The following ATP8B4 variants were observed in gnomAD, a reference collection of about 807,000 sequenced individuals.
ATP8B4 encodes probable phospholipid-transporting ATPase IM.
ATP8B4 carries 133 observed loss-of-function variants against 145.6 expected under a neutral mutation model. The observed-to-expected ratio is 0.91, with a 90% CI of 0.79 to 1.05. ATP8B4 has a LOEUF of 1.05. Ranked by LOEUF, ATP8B4 falls within the 50% of genes least tolerant of loss-of-function variation. ATP8B4 has a pLI of 0.00. For missense variants in ATP8B4, 1,458 were observed against 1,425.2 expected (o/e 1.02, Z -0.37); for synonymous variants, 507 against 492.9 (o/e 1.03, Z -0.38).
chr15:50,122,618 A>C (rs1304539100), upstream of ATP8B4, among the ~76,000 whole-genome samples: 1 of 152,182 alleles, frequency 6.6e-6, no homozygotes, highest in African/African-American at 2.4e-5. Context: ...GTGTCAGCCT[A>C]AACAGCAGAG....
chr15:49,985,974 A>G (rs1471150713), intron 10 of ATP8B4, among the ~76,000 whole-genome samples: 1 of 152,220 alleles, frequency 6.6e-6, no homozygotes, highest in East Asian at 1.9e-4. Context: ...ATAAAAAATA[A>G]TAATAAATCC....
chr15:50,178,955 G>A (rs1355219506), intron 1 of ATP8B4, among the ~76,000 whole-genome samples: 6 of 152,134 alleles, frequency 3.9e-5, no homozygotes, highest in Non-Finnish European at 5.9e-5. Flanking sequence ...AATATAACAC[G>A]GGACTAAGAA....
At chr15:49,917,246 C>T in intron 19 of ATP8B4, 1 of 511,630 alleles carries the variant, frequency 2.0e-6, no homozygotes, top group Non-Finnish European at 3.4e-6. Context: ...ACTTGCTAAA[C>T]CCATGCACAA....
intron 14 of ATP8B4, among the ~76,000 whole-genome samples, chr15:49,936,415 T>C (rs1480383121): frequency 1.3e-5 from 2 of 152,142 alleles, no homozygotes; most frequent in African/African-American, 4.8e-5. Flanking sequence ...GCCTCACACT[T>C]GTCTCATGGT....
chr15:49,860,088 A>G lies in ATP8B4; in HGVS notation c.*106T>C. ...CCGCAGATTTAAGTTAAGTGAGGCAATCTGCCTGCCCCACCTCTTGCCTCA... is the reference window on the plus strand; with the variant it reads ...CCGCAGATTTAAGTTAAGTGAGGCAGTCTGCCTGCCCCACCTCTTGCCTCA... On this transcript the variant is annotated 3_prime_UTR_variant, in exon 28 of 28. Transcript: ENST00000284509. 7.3e-7 allele frequency: 1 copy of G among 1,375,322 alleles called. No individual in the cohort carries two copies. Among genetic ancestry groups the G allele is most frequent in the Non-Finnish European group, 9.9e-7 (1 of 1,013,204 alleles). 85.2% of individuals were successfully genotyped at this position (1,375,322 alleles called of 1,614,324 possible).
At chr15:49,870,606 A>C (rs530445336) in intron 25 of ATP8B4, among the ~76,000 whole-genome samples, 60 of 152,320 alleles carry the variant, frequency 3.9e-4, no homozygotes, top group African/African-American at 1.4e-3. Context: ...TGAGGAAAGG[A>C]TATTAATGCT....
rs560059711 is a variant in ATP8B4, at chr15:50,018,913, C to A, written c.363-7996G>T. 1.5e-5 allele frequency: 19 copies of A among 1,255,158 alleles called. No individual in the cohort carries two copies. The African/African-American group carries it at 3.0e-4, about 20-fold the overall frequency. 77.8% of individuals were successfully genotyped at this position (1,255,158 alleles called of 1,614,324 possible). A position where few individuals can be genotyped will look rare whatever the true frequency, so the allele number is the denominator to read the frequency against. On this transcript the variant is annotated intron_variant, in intron 6 of 27. Coordinates refer to ENST00000284509, the MANE Select transcript of ATP8B4 (RefSeq NM_024837.4). ...CATTTTTCTCAGGACCAGGATAAATCTTCTTCCTTACAATTACCAGAGTAC... is the reference window on the plus strand; with the variant it reads ...CATTTTTCTCAGGACCAGGATAAATATTCTTCCTTACAATTACCAGAGTAC...
intron 3 of ATP8B4, among the ~76,000 whole-genome samples, chr15:50,056,025 C>T (rs1034734420): frequency 5.9e-5 from 9 of 152,136 alleles, no homozygotes; most frequent in Admixed American, 4.6e-4. Context: ...CTTCTACGAA[C>T]GCTGCTGAGG....
chr15:50,029,729 G>A (rs1299879166), intron 6 of ATP8B4, among the ~76,000 whole-genome samples: 1 of 152,152 alleles, frequency 6.6e-6, no homozygotes, highest in Admixed American at 6.6e-5. Context: ...AAAAGAAGAG[G>A]AGGAAGCAAA....
rs1567059944 is a variant in ATP8B4, at chr15:49,950,625, A to AAAC, written c.1287+11349_1287+11351dup. Among the ~76,000 whole-genome samples the AAAC allele has an allele frequency of 1.1e-4, 15 of 138,478 alleles. No individual in the cohort carries two copies. In the East Asian group the frequency reaches 2.5e-3, roughly 23 times the overall value. 90.8% of individuals were successfully genotyped at this position (138,478 alleles called of 152,430 possible). On this transcript the variant is annotated intron_variant, in intron 14 of 27. Coordinates refer to ENST00000284509, the MANE Select transcript of ATP8B4 (RefSeq NM_024837.4). ...AAACAAACAAACAAACAAACAAAAA[A>AAAC]AACAACAACAACAACAAAAAACCAG...
rs185450810 is a variant in ATP8B4, at chr15:50,141,513, C to T, written c.-42-34505G>A. On this transcript the variant is annotated intron_variant, in intron 1 of 3. Transcript: ENST00000558829. ...CATTCATAATACTTATTGAGCGTCT[C>T]TTAAGTAACAGGCATTTCACTCACC... 7.3e-3 allele frequency among the ~76,000 whole-genome samples: 1,114 copies of T among 152,192 alleles called. 6 individuals are homozygous for T. Among genetic ancestry groups the T allele is most frequent in the Non-Finnish European group, 0.01 (695 of 68,010 alleles).
At chr15:50,119,752 C>CT (rs572570694), upstream of ATP8B4, among the ~76,000 whole-genome samples, 774 of 91,592 alleles carry the variant, frequency 8.5e-3, 53 homozygotes, top group East Asian at 0.023. Flanking sequence ...GTTTTTGTCA[C>CT]TTTTTTTTTT....
chr15:50,109,440 T>C (rs61626064), intron 1 of ATP8B4, among the ~76,000 whole-genome samples: 3,845 of 152,120 alleles, frequency 0.025, 161 homozygotes, highest in African/African-American at 0.089. Flanking sequence ...AAAATGGTAT[T>C]GGGCAGGTGA....
chr15:49,997,848 C>T (rs959419664), intron 8 of ATP8B4, among the ~76,000 whole-genome samples: 14 of 152,222 alleles, frequency 9.2e-5, no homozygotes, highest in African/African-American at 3.4e-4. Context: ...AGCTAGTTTG[C>T]TTAAAAGTAA....
At chr15:50,108,959 C>T (rs2153669796) in intron 1 of ATP8B4, among the ~76,000 whole-genome samples, 1 of 152,258 alleles carries the variant, frequency 6.6e-6, no homozygotes, top group African/African-American at 2.4e-5. Context: ...GGAAGGGCTT[C>T]CAGATGCTAA....
chr15:50,058,001 A>AAGAG (rs143919023), intron 3 of ATP8B4, among the ~76,000 whole-genome samples: 1,537 of 151,756 alleles, frequency 0.01, 27 homozygotes, highest in African/African-American at 0.033. Flanking sequence ...TACAGACAGA[A>AAGAG]AGAGAGAGAG....
At chr15:49,860,979 G>C (rs1425657189) in intron 27 of ATP8B4, among the ~76,000 whole-genome samples, 1 of 152,056 alleles carries the variant, frequency 6.6e-6, no homozygotes, top group African/African-American at 2.4e-5. Flanking sequence ...TCTTAGGTTT[G>C]TATGGCCTTT....
In ATP8B4 at chr15:49,859,840, C is replaced by T. The variant is rs539191790; in HGVS notation, c.*354G>A. On this transcript the variant is annotated 3_prime_UTR_variant, in exon 28 of 28. Transcript: ENST00000284509. ...TACCTTTAAAATGCACCCTTTTATC[C>T]GCCTGAGGATCCATTCAGTGAATAT... 8.0e-5 allele frequency: 17 copies of T among 213,182 alleles called. No homozygotes were observed. Among genetic ancestry groups the T allele is most frequent in the African/African-American group, 2.1e-4 (9 of 43,218 alleles). 13.2% of individuals were successfully genotyped at this position (213,182 alleles called of 1,614,324 possible). A position where few individuals can be genotyped will look rare whatever the true frequency, so the allele number is the denominator to read the frequency against.
intron 2 of ATP8B4, among the ~76,000 whole-genome samples, chr15:50,078,150 C>T (rs1285811620): frequency 1.3e-5 from 2 of 151,608 alleles, no homozygotes; most frequent in African/African-American, 4.8e-5. Flanking sequence ...AATATATATA[C>T]ATAGATATAT....
Sources: allele counts gnomAD v4.1 joint callset (sites outside exome capture counted in the v4.1 genomes callset), GRCh38; gene constraint gnomAD v4.1.1; transcripts MANE v1.5; gene names NCBI Gene and HGNC (gene_info 2026-07-23, HGNC 2026-07-21).